Variants in AFF1 observed in about 807,000 individuals in gnomAD.
AFF1 encodes the protein AF4/FMR2 family member 1.
Under a neutral mutation model 121.7 loss-of-function variants are expected in AFF1, and 48 were observed. That is an observed-to-expected ratio of 0.39 (90% CI 0.31 to 0.50). AFF1 has a LOEUF of 0.50. Ranked by LOEUF, AFF1 falls within the 20% of genes least tolerant of loss-of-function variation. The pLI is 0.76. For synonymous variants in AFF1, 613 were observed against 563.0 expected (o/e 1.09, Z -1.26); for missense variants, 1,523 against 1,511.7 (o/e 1.01, Z -0.12).
At chr4:87,029,177 T>C (rs1728824442) in intron 2 of AFF1, among the ~76,000 whole-genome samples, 1 of 152,222 alleles carries the variant, frequency 6.6e-6, no homozygotes, top group South Asian at 2.1e-4. Context: ...GATATAAATA[T>C]TGTGGCCGTT....
chr4:87,063,485 C>T (rs542473076), intron 4 of AFF1, among the ~76,000 whole-genome samples: 1 of 152,166 alleles, frequency 6.6e-6, no homozygotes, highest in South Asian at 2.1e-4. Flanking sequence ...GTGATCCGCC[C>T]ACCTCGGCCT....
chr4:87,045,201 A>G (rs564611636), intron 2 of AFF1, among the ~76,000 whole-genome samples: 20 of 152,356 alleles, frequency 1.3e-4, no homozygotes, highest in African/African-American at 4.8e-4. Context: ...AGCCTTAACT[A>G]GACAATCAAA....
chr4:87,013,032 C>CTTTTTTTTTGTTTTTTT (rs1391718271), intron 2 of AFF1, among the ~76,000 whole-genome samples: 1 of 93,514 alleles, frequency 1.1e-5, no homozygotes, highest in African/African-American at 4.3e-5. Context: ...CTATCAAGTT[C>CTTTTTTTTTGTTTTTTT]TTTTTTTTTT....
chr4:87,119,839 T>A (rs1306556683), intron 12 of AFF1, among the ~76,000 whole-genome samples: 2 of 152,196 alleles, frequency 1.3e-5, no homozygotes, highest in African/African-American at 4.8e-5. Flanking sequence ...GTGCTATCAT[T>A]TATGCGTTTT....
At chr4:87,036,729 A>G (rs113895515) in intron 2 of AFF1, 40 of 478,984 alleles carry the variant, frequency 8.4e-5, no homozygotes, top group African/African-American at 6.1e-4. Context: ...AATGGGTTAT[A>G]TTAACTACCC....
chr4:87,114,297 G>A (rs1726846022), intron 11 of AFF1, 70 bp from the exon 12 acceptor site: 12 of 1,377,840 alleles, frequency 8.7e-6, no homozygotes, highest in Non-Finnish European at 1.2e-5. Context: ...GTATAATTGG[G>A]TGACTAACAC....
chr4:86,981,631 A>G (rs1228286234), intron 2 of AFF1, among the ~76,000 whole-genome samples: 3 of 152,170 alleles, frequency 2.0e-5, no homozygotes, highest in Non-Finnish European at 4.4e-5. Flanking sequence ...GATCTCCCCA[A>G]AGTGCTGGGA....
At chr4:87,085,579 G>A (rs1374390971) in intron 5 of AFF1, among the ~76,000 whole-genome samples, 4 of 151,740 alleles carry the variant, frequency 2.6e-5, no homozygotes, top group African/African-American at 9.7e-5. Flanking sequence ...AAGTGATGGT[G>A]GTACTAAAAC....
intron 2 of AFF1, among the ~76,000 whole-genome samples, chr4:86,988,006 C>G (rs550862090): frequency 1.3e-5 from 2 of 151,746 alleles, no homozygotes; most frequent in South Asian, 4.2e-4. Flanking sequence ...CCGCCCACCC[C>G]CCAACCCCAG....
chr4:86,940,151 C>CT (rs1333003987), intron 1 of AFF1, among the ~76,000 whole-genome samples: 5 of 152,196 alleles, frequency 3.3e-5, no homozygotes, highest in Non-Finnish European at 7.3e-5. Context: ...GAGACCCCTT[C>CT]TTTAAACAAC....
At chr4:87,122,191 T>C (rs1023982033) in intron 12 of AFF1, among the ~76,000 whole-genome samples, 2 of 152,250 alleles carry the variant, frequency 1.3e-5, no homozygotes, top group Non-Finnish European at 2.9e-5. Context: ...TGTCTTGTAA[T>C]GTTTCTTGGG....
At chr4:87,103,640 C>T (rs1001279461) in intron 8 of AFF1, among the ~76,000 whole-genome samples, 3 of 152,128 alleles carry the variant, frequency 2.0e-5, no homozygotes, top group Non-Finnish European at 4.4e-5. Context: ...TTTCATGGTG[C>T]CTGTTTATCC....
intron 17 of AFF1, among the ~76,000 whole-genome samples, 197 bp from the exon 18 acceptor site, chr4:87,131,596 C>T (rs17012490): frequency 0.026 from 3,884 of 152,310 alleles, 170 homozygotes; most frequent in African/African-American, 0.088. Flanking sequence ...AGACAAGCCA[C>T]ACAAGAGACG....
chr4:87,100,045 A>G (rs1006114225), intron 8 of AFF1, among the ~76,000 whole-genome samples: 6 of 152,198 alleles, frequency 3.9e-5, no homozygotes, highest in African/African-American at 1.2e-4. Flanking sequence ...TCATTTGCAT[A>G]TATAAAACCT....
At chr4:86,947,885 T>C (rs972701606) in intron 1 of AFF1, among the ~76,000 whole-genome samples, 1 of 151,998 alleles carries the variant, frequency 6.6e-6, no homozygotes, top group Non-Finnish European at 1.5e-5. Flanking sequence ...TGATTGTCAC[T>C]GGGACCCACT....
chr4:86,978,929 C>G (rs1723515451), intron 2 of AFF1, among the ~76,000 whole-genome samples: 1 of 152,160 alleles, frequency 6.6e-6, no homozygotes. Flanking sequence ...CAGGCTTGTT[C>G]TGTTTTGACC....
intron 2 of AFF1, among the ~76,000 whole-genome samples, chr4:86,986,547 G>T (rs188408300): frequency 3.0e-4 from 45 of 151,966 alleles, no homozygotes; most frequent in African/African-American, 1.1e-3. Flanking sequence ...CATGTTAAAG[G>T]ACTCTTCTTG....
chr4:87,069,622 C>A (rs371283522), intron 4 of AFF1, among the ~76,000 whole-genome samples: 1 of 151,150 alleles, frequency 6.6e-6, no homozygotes, highest in Non-Finnish European at 1.5e-5. Context: ...CCTTTCCCCC[C>A]ACTTCCTCCC....
intron 4 of AFF1, among the ~76,000 whole-genome samples, chr4:87,065,735 C>G (rs1444654007): frequency 6.6e-6 from 1 of 152,110 alleles, no homozygotes; most frequent in Non-Finnish European, 1.5e-5. Flanking sequence ...TCTTGCCTTA[C>G]CAGCGGATGG....
Sources: allele counts gnomAD v4.1 joint callset (sites outside exome capture counted in the v4.1 genomes callset), GRCh38; gene constraint gnomAD v4.1.1; transcripts MANE v1.5; gene names NCBI Gene and HGNC (gene_info 2026-07-23, HGNC 2026-07-21).